The following FRMD5 variants were observed in gnomAD, a reference collection of about 807,000 sequenced individuals.
FRMD5 encodes FERM domain containing 5, also known as FERM domain-containing protein 5.
A neutral mutation model predicts 69.0 loss-of-function variants in FRMD5; 20 were observed. The observed-to-expected ratio is 0.29, with a 90% CI of 0.20 to 0.42. The LOEUF is 0.42. Among genes scored for constraint, FRMD5 ranks in the 10% least tolerant of loss-of-function variants. The pLI is 1.00. For missense variants in FRMD5, 595 were observed against 708.6 expected, an observed-to-expected ratio of 0.84 and a Z score of 1.82; for synonymous variants, 271 against 260.1, an observed-to-expected ratio of 1.04 and a Z score of -0.40.
chr15:44,159,734 T>G (rs191086325), intron 1 of FRMD5, among the ~76,000 whole-genome samples: 6 of 152,318 alleles, frequency 3.9e-5, no homozygotes, highest in Non-Finnish European at 7.3e-5. Context: ...GGATAAAGAT[T>G]AGCAGTTAGA....
chr15:44,161,308 C>A (rs1481202377), intron 1 of FRMD5, among the ~76,000 whole-genome samples: 1 of 152,180 alleles, frequency 6.6e-6, no homozygotes, highest in East Asian at 1.9e-4. Context: ...GTCAAGTGGT[C>A]CCAAAGTGTC....
intron 1 of FRMD5, among the ~76,000 whole-genome samples, chr15:44,149,253 GA>G (rs1449711698): frequency 6.6e-6 from 1 of 151,668 alleles, no homozygotes; most frequent in Non-Finnish European, 1.5e-5. Context: ...TAACCACAGA[GA>G]AAATACCTGT....
rs1397889934 is a variant in FRMD5, at chr15:44,188,771, TTG to T, written c.102+6180_102+6181del. On this transcript the variant is annotated intron_variant, in intron 1 of 13. Coordinates refer to ENST00000417257, the MANE Select transcript of FRMD5 (RefSeq NM_032892.5). ...AAATGAGGCATAAGAATAGCTAGAT[TTG>T]GTCCTGATTTTGAATGGTTTTTCTT... Among the ~76,000 whole-genome samples, 5 of 152,040 alleles carry T rather than the reference TTG, an allele frequency of 3.3e-5. No homozygotes were observed. In the East Asian group the frequency reaches 9.6e-4, roughly 29 times the overall value.
chr15:43,978,653 G>A (rs1187594901), intron 1 of FRMD5, among the ~76,000 whole-genome samples: 1 of 152,150 alleles, frequency 6.6e-6, no homozygotes, highest in Non-Finnish European at 1.5e-5. Context: ...CCGGGTTCAA[G>A]TGATTCTCCT....
chr15:44,144,172 CTTT>C (rs773410069), intron 1 of FRMD5, among the ~76,000 whole-genome samples: 1 of 152,088 alleles, frequency 6.6e-6, no homozygotes, highest in Non-Finnish European at 1.5e-5. Flanking sequence ...TTCTCGTCTT[CTTT>C]TTTTCTAGCA....
chr15:44,036,416 TAGAGG>T (rs1439651277), intron 1 of FRMD5, among the ~76,000 whole-genome samples: 1 of 151,654 alleles, frequency 6.6e-6, no homozygotes, highest in Non-Finnish European at 1.5e-5. Flanking sequence ...TCTTTGAAAA[TAGAGG>T]AGAGAAGTTG....
chr15:44,195,002 C>A lies in FRMD5; in HGVS notation c.53G>T (p.Ser18Ile). 1 of 1,562,194 alleles carries A rather than the reference C, an allele frequency of 6.4e-7. No individual in the cohort carries two copies. The highest frequency in any genetic ancestry group is 2.4e-5 in the East Asian group (1 of 41,442). The change falls in exon 1 of 14, where the codon AGC becomes ATC. Residue 18 changes from serine to isoleucine, a missense_variant. Ser to Ile is a moderately radical substitution (Grantham distance 142). This residue lies in a region of FRMD5 where 44 missense variants were observed against 33.6 expected (regional missense o/e 1.31). Transcript: ENST00000417257. Reference sequence around the variant, plus strand: ...GTCGTCCAGCAGCCGCACGGTGCAGCTGTACTCGCGCTCCAGGCTCCTGCT... The same window carrying A: ...GTCGTCCAGCAGCCGCACGGTGCAGATGTACTCGCGCTCCAGGCTCCTGCT... ...GSSRSLEREYSCTVRLLDDSE... is the reference protein window; with the variant it reads ...GSSRSLEREYICTVRLLDDSE...
intron 1 of FRMD5, among the ~76,000 whole-genome samples, chr15:44,023,560 T>C (rs1891304978): frequency 6.6e-6 from 1 of 152,206 alleles, no homozygotes; most frequent in South Asian, 2.1e-4. Flanking sequence ...AGAAATAAGC[T>C]CCTCTCAACT....
intron 1 of FRMD5, among the ~76,000 whole-genome samples, chr15:43,978,531 C>T (rs1418471865): frequency 5.9e-5 from 9 of 152,214 alleles, no homozygotes; most frequent in Admixed American, 5.2e-4. Context: ...ATGATTAAGA[C>T]GTACATTTGG....
At chr15:43,962,804 G>A (rs1254864195) in intron 1 of FRMD5, among the ~76,000 whole-genome samples, 1 of 152,204 alleles carries the variant, frequency 6.6e-6, no homozygotes, top group African/African-American at 2.4e-5. Flanking sequence ...AAGCAATGGG[G>A]AAAGGATTCC....
chr15:44,020,027 T>C (rs1030808218), intron 1 of FRMD5, among the ~76,000 whole-genome samples: 53 of 152,120 alleles, frequency 3.5e-4, no homozygotes, highest in Non-Finnish European at 6.6e-4. Flanking sequence ...ATGTTTTCTT[T>C]GAATGAAACA....
At chr15:44,054,888 G>C (rs1595675472) in intron 1 of FRMD5, among the ~76,000 whole-genome samples, 3 of 152,080 alleles carry the variant, frequency 2.0e-5, no homozygotes, top group Non-Finnish European at 1.5e-5. Flanking sequence ...TGATCAACAT[G>C]GTGAAACCCC....
chr15:43,965,513 C>T (rs1033368755), intron 1 of FRMD5, among the ~76,000 whole-genome samples: 1 of 151,746 alleles, frequency 6.6e-6, no homozygotes, highest in African/African-American at 2.4e-5. Flanking sequence ...AGTAAGACTG[C>T]ACCTAATTTC....
At chr15:44,095,375 A>T (rs2076537251) in intron 1 of FRMD5, among the ~76,000 whole-genome samples, 1 of 151,888 alleles carries the variant, frequency 6.6e-6, no homozygotes, top group Non-Finnish European at 1.5e-5. Flanking sequence ...GCTAATTTTT[A>T]AAAATTTTTT....
chr15:44,127,066 C>A (rs1173118156), intron 1 of FRMD5, among the ~76,000 whole-genome samples: 1 of 152,202 alleles, frequency 6.6e-6, no homozygotes, highest in Admixed American at 6.5e-5. Flanking sequence ...TAGAACAGAA[C>A]ATGTTTCATA....
chr15:44,187,828 C>A lies in FRMD5; in HGVS notation c.102+7125G>T, dbSNP rs529396117. On this transcript the variant is annotated intron_variant, in intron 1 of 13. Coordinates refer to ENST00000417257, the MANE Select transcript of FRMD5 (RefSeq NM_032892.5). ...GAGGGATCCTCCTGCCTTGGTCCCC[C>A]AAAGCACTGAGATTATAGGCATAAA... Among the ~76,000 whole-genome samples the A allele has an allele frequency of 3.9e-5, 6 of 152,248 alleles. No homozygotes were observed. The South Asian group carries it at 6.2e-4, about 16-fold the overall frequency.
chr15:43,877,483 T>G (rs2088395630), intron 13 of FRMD5, among the ~76,000 whole-genome samples: 2 of 152,334 alleles, frequency 1.3e-5, no homozygotes, highest in South Asian at 4.1e-4. Flanking sequence ...CTGACCAGCC[T>G]TGTGGAGCCT....
At chr15:44,104,777 A>G (rs895717735) in intron 1 of FRMD5, among the ~76,000 whole-genome samples, 3 of 152,188 alleles carry the variant, frequency 2.0e-5, no homozygotes, top group African/African-American at 4.8e-5. Flanking sequence ...AAATCACCCT[A>G]TTCTCAGAAC....
chr15:43,921,351 G>A (rs548520170), intron 2 of FRMD5, among the ~76,000 whole-genome samples: 2 of 152,350 alleles, frequency 1.3e-5, no homozygotes, highest in Admixed American at 1.3e-4. Flanking sequence ...AGAAATTAAT[G>A]ACTGTGAGAT....
Sources: allele counts gnomAD v4.1 joint callset (sites outside exome capture counted in the v4.1 genomes callset), GRCh38; gene constraint gnomAD v4.1.1; regional missense constraint gnomAD v4.1.1; transcripts MANE v1.5; gene names NCBI Gene and HGNC (gene_info 2026-07-23, HGNC 2026-07-21).